The following FBN2 variants were observed in gnomAD, a reference collection of about 807,000 sequenced individuals.
FBN2 encodes fibrillin-2.
FBN2 carries 105 observed loss-of-function variants against 355.6 expected under a neutral mutation model. The ratio of observed to expected loss-of-function variants is 0.30; its 90% CI spans 0.25 to 0.35. The LOEUF is 0.35. FBN2 is among the 10% of genes least tolerant of loss of function. FBN2 has a pLI of 1.00. For missense variants in FBN2, 3,280 were observed against 3,758.7 expected (o/e 0.87, Z 3.33); for synonymous variants, 1,350 against 1,301.2 (o/e 1.04, Z -0.81).
chr5:128,295,216 C>T (rs1329893439), intron 48 of FBN2, among the ~76,000 whole-genome samples: 2 of 149,910 alleles, frequency 1.3e-5, no homozygotes, highest in Admixed American at 6.6e-5. Flanking sequence ...GGTACCAGTA[C>T]CATGCTGTTT....
At position 128,280,019 on chromosome 5, in the gene FBN2, CAT is replaced by C. The variant is rs543030056; in HGVS notation, c.7138+171_7138+172del. On this transcript the variant is annotated intron_variant, in intron 56 of 64. Coordinates refer to ENST00000262464, the MANE Select transcript of FBN2 (RefSeq NM_001999.4). The stretch of plus-strand genomic sequence containing the variant: ...CACATAGATGTGCATATAACACACA[CAT>C]GTACAAATATATCATTTTAATAGAT... 7.2e-5 allele frequency among the ~76,000 whole-genome samples: 11 copies of C among 152,276 alleles called. No individual in the cohort carries two copies. The East Asian group carries it at 2.1e-3, about 29-fold the overall frequency.
chr5:128,389,374 G>T (rs1175143141), intron 11 of FBN2, among the ~76,000 whole-genome samples: 7 of 152,342 alleles, frequency 4.6e-5, no homozygotes, highest in Non-Finnish European at 7.3e-5. Context: ...GGCAGGGTTT[G>T]CTGGCAAAGG....
At chr5:128,347,972 A>AG (rs35377639) in intron 23 of FBN2, among the ~76,000 whole-genome samples, 31,691 of 151,020 alleles carry the variant, frequency 0.21, 3,403 homozygotes, top group African/African-American at 0.24. Flanking sequence ...AGAGACGGGG[A>AG]GGGGGGGGTT....
rs1749230511 is a variant in FBN2, at chr5:128,288,684, C to T, written c.6638-127G>A. ...GAAGGGCACATGTAACCCTGGCATC[C>T]CTTGGGCCTTGGCTGGCTGGCAGCT... On this transcript the variant is annotated intron_variant, in intron 52 of 64. Coordinates refer to ENST00000262464, the MANE Select transcript of FBN2 (RefSeq NM_001999.4). The T allele has an allele frequency of 3.8e-6, 4 of 1,055,602 alleles. No homozygotes were observed. The African/African-American group carries it at 4.7e-5, about 12-fold the overall frequency. 65.4% of individuals were successfully genotyped at this position (1,055,602 alleles called of 1,614,324 possible).
intron 26 of FBN2, 40 bp downstream of exon 26, chr5:128,338,893 T>C (rs1750915841): frequency 1.9e-6 from 3 of 1,610,214 alleles, no homozygotes; most frequent in African/African-American, 1.3e-5. Context: ...TCTGTGCTAG[T>C]ATGGTTTCAA....
At chr5:128,328,257 T>G (rs1750606654) in intron 34 of FBN2, 1 of 322,246 alleles carries the variant, frequency 3.1e-6, no homozygotes, top group South Asian at 3.3e-5. Context: ...GAAGAGGACT[T>G]CCATTCCCAG....
intron 47 of FBN2, 83 bp from the exon 48 acceptor site, chr5:128,301,019 C>T: frequency 7.4e-7 from 1 of 1,352,814 alleles, no homozygotes; most frequent in Middle Eastern, 2.2e-4. Flanking sequence ...ATGATATTAA[C>T]ATGAATTCAA....
chr5:128,497,246 G>A (rs551174810), intron 5 of FBN2, among the ~76,000 whole-genome samples: 1 of 152,116 alleles, frequency 6.6e-6, no homozygotes, highest in Non-Finnish European at 1.5e-5. Context: ...ACCAGACTTA[G>A]GAAAACTTAA....
intron 39 of FBN2, among the ~76,000 whole-genome samples, chr5:128,310,410 T>A (rs1384753310): frequency 3.7e-3 from 210 of 56,784 alleles, no homozygotes; most frequent in South Asian, 9.8e-3. Context: ...ATATTTTTTT[T>A]TTTTTTTTTT....
chr5:128,415,326 T>C lies in FBN2; in HGVS notation c.953-6527A>G, dbSNP rs191282441. Among the ~76,000 whole-genome samples, 345 of 152,322 alleles carry C rather than the reference T, an allele frequency of 2.3e-3. 1 individual carries two copies. Among genetic ancestry groups the C allele is most frequent in the Non-Finnish European group, 3.8e-3 (260 of 68,018 alleles). ...TTCCTTCTGTCTAACTGTATGTTTGTACACATTAAGTAACTTCTCTTCATC... is the reference window on the plus strand; with the variant it reads ...TTCCTTCTGTCTAACTGTATGTTTGCACACATTAAGTAACTTCTCTTCATC... On this transcript the variant is annotated intron_variant, in intron 7 of 64. Coordinates refer to ENST00000262464, the MANE Select transcript of FBN2 (RefSeq NM_001999.4).
At chr5:128,358,806 G>C (rs1268075992) in intron 19 of FBN2, among the ~76,000 whole-genome samples, 1 of 151,860 alleles carries the variant, frequency 6.6e-6, no homozygotes, top group Non-Finnish European at 1.5e-5. Flanking sequence ...TTTGTAAGAA[G>C]CCTGAAAAAA....
rs747248488 is a variant in FBN2, at chr5:128,344,451, T to C, written c.3277A>G (p.Ile1093Val). 12 of 1,613,404 alleles carry C rather than the reference T, an allele frequency of 7.4e-6. No individual in the cohort carries two copies. The highest frequency in any genetic ancestry group is 1.7e-5 in the Admixed American group (1 of 60,002). The change falls in exon 25 of 65, where the codon ATC becomes GTC. Residue 1093 changes from isoleucine (I) to valine (V), a missense_variant. By Grantham distance (29) the Ile-to-Val change is conservative. This residue lies in a region of FBN2 where 2,284 missense variants were observed against 2,749.5 expected (regional missense o/e 0.83). Coordinates refer to ENST00000262464, the MANE Select transcript of FBN2 (RefSeq NM_001999.4). Reference sequence around the variant, plus strand: ...TTGCAACGGCATTTGAAGCTTCCGATTGTATTTCTGCACTTCCCATAAGTG... The same window carrying C: ...TTGCAACGGCATTTGAAGCTTCCGACTGTATTTCTGCACTTCCCATAAGTG... ...MCTYGKCRNT[I>V]GSFKCRCNSG...
intron 48 of FBN2, among the ~76,000 whole-genome samples, chr5:128,294,109 T>C (rs955675956): frequency 6.6e-5 from 10 of 152,224 alleles, no homozygotes; most frequent in Middle Eastern, 3.4e-3. Flanking sequence ...GTTCTTGCGA[T>C]AGTTTACTGA....
At chr5:128,439,848 G>T (rs1753869683) in intron 7 of FBN2, among the ~76,000 whole-genome samples, 1 of 151,816 alleles carries the variant, frequency 6.6e-6, no homozygotes, top group Non-Finnish European at 1.5e-5. Context: ...ATTATTTTTA[G>T]TATCACTTTC....
chr5:128,272,216 C>T (rs1356777728), intron 61 of FBN2, 98 bp from the exon 62 acceptor site: 38 of 1,282,120 alleles, frequency 3.0e-5, no homozygotes, highest in Non-Finnish European at 4.0e-5. Flanking sequence ...ATCATGGGAA[C>T]AAACAAACAA....
rs1164872719 is a variant in FBN2 at position 128,258,588 on chromosome 5, G to A, written c.*867C>T. 1.3e-5 allele frequency: 2 copies of A among 152,584 alleles called. No homozygotes were observed. The highest frequency in any genetic ancestry group is 4.8e-5 in the African/African-American group (2 of 41,452). The allele number at this position is 152,584 out of a possible 1,614,324, so 9.5% of individuals were successfully genotyped here. On this transcript the variant is annotated 3_prime_UTR_variant, in exon 65 of 65. Transcript: ENST00000262464. ...GTACCATGAGGACGCAGCGCACCCTGGGTAAGAATGAGGTGTTGTGGGTAG... is the reference window on the plus strand; with the variant it reads ...GTACCATGAGGACGCAGCGCACCCTAGGTAAGAATGAGGTGTTGTGGGTAG...
chr5:128,369,640 T>C lies in FBN2; in HGVS notation c.2096-306A>G, dbSNP rs115985327. Among the ~76,000 whole-genome samples, 55 of 152,318 alleles carry C rather than the reference T, an allele frequency of 3.6e-4. No individual in the cohort carries two copies. The Middle Eastern group carries it at 0.01, about 28-fold the overall frequency. On this transcript the variant is annotated intron_variant, in intron 15 of 64. Coordinates refer to ENST00000262464, the MANE Select transcript of FBN2 (RefSeq NM_001999.4). ...GAAACCTAGGATATTTCCACAGTTATAAAGAATACTTGGAGCTCTAATCAC... is the reference window on the plus strand; with the variant it reads ...GAAACCTAGGATATTTCCACAGTTACAAAGAATACTTGGAGCTCTAATCAC...
rs1765039937 is a variant in FBN2, at chr5:128,263,642, A to G, written c.7975T>C (p.Ser2659Pro). Residue 2659 changes from serine (S) to proline (P), a missense_variant, in exon 63 of 65, where the codon TCC becomes CCC. Ser to Pro is a moderately conservative substitution (Grantham distance 74). Coordinates refer to ENST00000262464, the MANE Select transcript of FBN2 (RefSeq NM_001999.4). ...GCAGAGCCACAGGCATTGGGATTGG[A>G]GCATTCATTCTCATCTAGTGAAACG... ...WNQCVDENEC[S>P]NPNACGSASC... is the part of the protein sequence containing the mutation. 6.2e-7 allele frequency: 1 copy of G among 1,613,556 alleles called. No individual in the cohort carries two copies. The highest frequency in any genetic ancestry group is 8.5e-7 in the Non-Finnish European group (1 of 1,179,522).
chr5:128,304,022 A>T (rs1313059002), intron 45 of FBN2, among the ~76,000 whole-genome samples: 1 of 152,200 alleles, frequency 6.6e-6, no homozygotes, highest in Non-Finnish European at 1.5e-5. Context: ...GCAATGGATG[A>T]ACCTGGAGAC....
Sources: gnomAD v4.1 joint callset for allele counts (sites outside exome capture counted in the v4.1 genomes callset) on GRCh38, gnomAD v4.1.1 for gene constraint, gnomAD v4.1.1 regional missense constraint, MANE v1.5 for transcripts, NCBI Gene and HGNC (gene_info 2026-07-23, HGNC 2026-07-21) for gene names.